C11orf54: variants seen among roughly 807,000 people sequenced by gnomAD.
The protein encoded by C11orf54 is beta-keto L-gulonate decarboxylase.
C11orf54 carries 29 observed loss-of-function variants against 35.5 expected under a neutral mutation model. The ratio of observed to expected loss-of-function variants is 0.82; its 90% confidence interval spans 0.61 to 1.11. The LOEUF is 1.11. Among genes scored for constraint, C11orf54 ranks in the 50% most tolerant of loss-of-function variants. The pLI, the probability that C11orf54 is intolerant of heterozygous loss-of-function variation, is 0.00. For missense variants in C11orf54, 373 were observed against 369.2 expected, an observed-to-expected ratio of 1.01 and a Z score of -0.08; for synonymous variants, 108 against 121.1, an observed-to-expected ratio of 0.89 and a Z score of 0.71.
chr11:93,754,689 C>T (rs1003247843), intron 5 of C11orf54, among the ~76,000 whole-genome samples: 13 of 148,790 alleles, frequency 8.7e-5, no homozygotes, highest in South Asian at 8.5e-4. Flanking sequence ...AGATATTTAA[C>T]GCAAGTTATA....
intron 1 of C11orf54, among the ~76,000 whole-genome samples, chr11:93,745,306 G>T (rs1006244571): frequency 6.6e-6 from 1 of 152,252 alleles, no homozygotes; most frequent in East Asian, 1.9e-4. Flanking sequence ...TGTCTCAGTG[G>T]GGGGAATTCT....
chr11:93,754,414 C>T (rs1943017852), intron 5 of C11orf54, among the ~76,000 whole-genome samples: 1 of 152,156 alleles, frequency 6.6e-6, no homozygotes, highest in Non-Finnish European at 1.5e-5. Context: ...GTGATCTAGT[C>T]AACTCCTTCT....
intron 6 of C11orf54, 131 bp from the exon 7 acceptor site, chr11:93,757,185 T>G (rs1008600130): frequency 1.1e-6 from 1 of 944,660 alleles, no homozygotes; most frequent in African/African-American, 1.7e-5. Context: ...GATTGCAACA[T>G]CTCAACTCAG....
chr11:93,749,618 C>T (rs1041427577), intron 2 of C11orf54, among the ~76,000 whole-genome samples: 4 of 151,734 alleles, frequency 2.6e-5, no homozygotes, highest in African/African-American at 7.3e-5. Flanking sequence ...AGTTCGAGAC[C>T]AGCCTGGGCA....
chr11:93,753,656 G>C, intron 3 of C11orf54, 26 bp from the exon 4 acceptor site: 1 of 1,608,808 alleles, frequency 6.2e-7, no homozygotes. Context: ...GGTGGCTTGT[G>C]TTTTTGTTTT....
chr11:93,757,368 G>T lies in C11orf54; in HGVS notation c.560G>T (p.Cys187Phe). The change falls in exon 7 of 9, where the codon TGT becomes TTT. Residue 187 changes from cysteine to phenylalanine, a missense_variant. Coordinates refer to ENST00000354421, the MANE Select transcript of C11orf54 (RefSeq NM_001286069.2). The part of the protein sequence containing the change: ...RRTGPLNFVT[C>F]MRETLEKHYG... ...ACTGGACCACTTAACTTTGTGACTTGTATGAGAGAGACCCTGGAAAAACAT... is the reference window on the plus strand; with the variant it reads ...ACTGGACCACTTAACTTTGTGACTTTTATGAGAGAGACCCTGGAAAAACAT... 3 of 1,598,278 alleles carry T rather than the reference G, an allele frequency of 1.9e-6. No individual in the cohort carries two copies. The highest frequency in any genetic ancestry group is 2.5e-6 in the Non-Finnish European group (3 of 1,179,768).
chr11:93,747,863 T>C (rs751176186), intron 2 of C11orf54, among the ~76,000 whole-genome samples: 3 of 152,172 alleles, frequency 2.0e-5, no homozygotes, highest in Admixed American at 6.6e-5. Context: ...CCCAATATAA[T>C]TCCCCCCCAC....
intron 1 of C11orf54, chr11:93,746,253 TA>T (rs1166909079): frequency 1.3e-5 from 2 of 152,230 alleles, no homozygotes; most frequent in Non-Finnish European, 2.9e-5. Context: ...TTCCACTTGC[TA>T]AATAGGCATG....
chr11:93,762,020 AAG>A lies in C11orf54; in HGVS notation c.*336_*337del, dbSNP rs1943504480. On this transcript the variant is annotated 3_prime_UTR_variant, in exon 9 of 9. Transcript: ENST00000354421. ...TATATTATTTCATAGATCTGTCTGA[AAG>A]AGATTGGGAACAAAAATATCTAATT... 1 of 158,942 alleles carries A rather than the reference AAG, an allele frequency of 6.3e-6. No homozygotes were observed. Among genetic ancestry groups the A allele is most frequent in the South Asian group, 2.0e-4 (1 of 4,916 alleles). 9.8% of individuals were successfully genotyped at this position (158,942 alleles called of 1,614,324 possible).
chr11:93,749,684 T>C (rs1023694546), intron 2 of C11orf54, among the ~76,000 whole-genome samples: 2 of 151,970 alleles, frequency 1.3e-5, no homozygotes, highest in African/African-American at 2.4e-5. Context: ...GGGAAATACA[T>C]TGGTCTTACA....
At chr11:93,759,656 T>C in intron 7 of C11orf54, 86 bp from the exon 8 acceptor site, 1 of 592,538 alleles carries the variant, frequency 1.7e-6, no homozygotes, top group Non-Finnish European at 2.5e-6. Context: ...TAAACAATAA[T>C]AATAAATAAG....
intron 6 of C11orf54, 141 bp downstream of exon 6, chr11:93,755,527 G>C (rs1943086970): frequency 1.2e-6 from 1 of 836,468 alleles, no homozygotes; most frequent in Admixed American, 2.7e-5. Context: ...ATAACTTGAG[G>C]TCAACTTGAG....
chr11:93,752,907 C>T (rs971383662), intron 3 of C11orf54, among the ~76,000 whole-genome samples: 6 of 151,946 alleles, frequency 3.9e-5, no homozygotes, highest in Admixed American at 2.6e-4. Flanking sequence ...GTAGTACGCC[C>T]GGCTAATTTT....
intron 6 of C11orf54, among the ~76,000 whole-genome samples, chr11:93,756,101 A>G (rs1227501644): frequency 7.2e-6 from 1 of 138,002 alleles, no homozygotes; most frequent in Non-Finnish European, 1.5e-5. Context: ...TGGGAGACAG[A>G]GGTTGCAGTG....
rs1378383015 is a variant in C11orf54 at position 93,757,412 on chromosome 11, G to C, written c.604G>C (p.Gly202Arg). The C allele has an allele frequency of 6.3e-7, 1 of 1,598,208 alleles. No homozygotes were observed. The highest frequency in any genetic ancestry group is 1.7e-5 in the Admixed American group (1 of 60,006). Residue 202 changes from glycine to arginine, a missense_variant, in exon 7 of 9, where the codon GGA becomes CGA. Transcript: ENST00000354421. ...AAAACATTATGGAAATAAGCCTATA[G>C]GAATGGGAGGTACTTTCATAATTCA... ...LEKHYGNKPI[G>R]MGGTFIIQKG...
At chr11:93,755,475 T>G in intron 6 of C11orf54, 89 bp downstream of exon 6, 1 of 1,435,618 alleles carries the variant, frequency 7.0e-7, no homozygotes, top group Non-Finnish European at 9.4e-7. Context: ...ATGGTTTTGC[T>G]AAGAAAATTA....
chr11:93,754,590 T>C (rs1010139472), intron 5 of C11orf54, among the ~76,000 whole-genome samples: 1 of 152,206 alleles, frequency 6.6e-6, no homozygotes, highest in African/African-American at 2.4e-5. Context: ...TCTTCAGATA[T>C]GAATAGTAGT....
At position 93,755,306 on chromosome 11, in the gene C11orf54, G is replaced by A. The variant is rs374717177; in HGVS notation, c.427G>A (p.Glu143Lys). 2.5e-5 allele frequency: 41 copies of A among 1,614,014 alleles called. No individual in the cohort carries two copies. The highest frequency in any genetic ancestry group is 3.3e-5 in the Non-Finnish European group (39 of 1,180,026). Residue 143 changes from glutamate (E) to lysine (K), a missense_variant, in exon 6 of 9, where the codon GAG (glutamate) becomes AAG (lysine). Transcript: ENST00000354421. ...CCCTGCAGATGGAGGGTGCCTACTG[G>A]AGAAATACAGTGAGAAATGTCATGA... ...VNPADGGCLL[E>K]KYSEKCHDFQ...
At chr11:93,761,447 G>A in intron 8 of C11orf54, 68 bp from the exon 9 acceptor site, 2 of 1,407,746 alleles carry the variant, frequency 1.4e-6, no homozygotes, top group South Asian at 3.0e-5. Context: ...AACGTAAAAA[G>A]TTATCCCTCC....
Sources: gnomAD v4.1 joint callset for allele counts (sites outside exome capture counted in the v4.1 genomes callset) on GRCh38, gnomAD v4.1.1 for gene constraint, MANE v1.5 for transcripts, NCBI Gene and HGNC (gene_info 2026-07-23, HGNC 2026-07-21) for gene names.